Variants in DHRSX observed in about 807,000 individuals in gnomAD.
DHRSX encodes the protein polyprenol dehydrogenase.
DHRSX carries 31 observed loss-of-function variants against 34.0 expected under a neutral mutation model. The ratio of observed to expected loss-of-function variants is 0.91; its 90% CI spans 0.69 to 1.23. DHRSX has a LOEUF of 1.23. Ranked by LOEUF, DHRSX falls within the 50% of genes most tolerant of loss-of-function variation. The pLI, the probability that DHRSX is intolerant of heterozygous loss-of-function variation, is 0.00. For missense variants in DHRSX, 414 were observed against 428.1 expected (o/e 0.97, Z 0.29); for synonymous variants, 201 against 183.8 (o/e 1.09, Z -0.76).
At chrX:2,442,281 G>T (rs1252003797) in intron 1 of DHRSX, among the ~76,000 whole-genome samples, 1 of 151,506 alleles carries the variant, frequency 6.6e-6, no homozygotes, top group Non-Finnish European at 1.5e-5. Flanking sequence ...CTGAGGAGGA[G>T]GAGGAGGAAC....
intron 1 of DHRSX, among the ~76,000 whole-genome samples, chrX:2,463,755 C>T (rs916278078): frequency 9.9e-5 from 15 of 151,896 alleles, no homozygotes; most frequent in African/African-American, 3.6e-4. Flanking sequence ...CTGGGACAGG[C>T]GGTGACAGAG....
At chrX:2,435,862 CCTT>C (rs1287723050) in intron 1 of DHRSX, among the ~76,000 whole-genome samples, 3 of 152,180 alleles carry the variant, frequency 2.0e-5, no homozygotes, top group Non-Finnish European at 4.4e-5. Context: ...AAAGTCCTAT[CCTT>C]CTTGATCCTA....
intron 3 of DHRSX, among the ~76,000 whole-genome samples, chrX:2,394,248 C>T (rs140673182): frequency 2.0e-5 from 3 of 152,142 alleles, no homozygotes; most frequent in Non-Finnish European, 4.4e-5. Flanking sequence ...CTGTGAAGGC[C>T]AGTGGGCCCA....
chrX:2,346,035 G>A (rs1238855860), intron 3 of DHRSX, among the ~76,000 whole-genome samples: 2 of 152,164 alleles, frequency 1.3e-5, no homozygotes, highest in East Asian at 3.8e-4. Flanking sequence ...TGGTATCCTT[G>A]TTCTGTAAGA....
intron 4 of DHRSX, among the ~76,000 whole-genome samples, chrX:2,269,205 A>G (rs2041515984): frequency 1.3e-5 from 2 of 152,228 alleles, no homozygotes; most frequent in East Asian, 1.9e-4. Context: ...CTGCATGTGT[A>G]CATATTTTCC....
rs180980254 is a variant in DHRSX, at chrX:2,253,827, G to A, written c.597-10597C>T. On this transcript the variant is annotated intron_variant, in intron 5 of 6. Transcript: ENST00000334651. ...TGTAATCCCAGCACTTTGGGAGGCCGAGGCGGGCGGATCACGAGGTCAGAA... is the reference window on the plus strand; with the variant it reads ...TGTAATCCCAGCACTTTGGGAGGCCAAGGCGGGCGGATCACGAGGTCAGAA... Among the ~76,000 whole-genome samples, 213 of 152,272 alleles carry A rather than the reference G, an allele frequency of 1.4e-3. 3 individuals are homozygous for A. Among genetic ancestry groups the A allele is most frequent in the East Asian group, 0.014 (70 of 5,176 alleles).
intron 3 of DHRSX, among the ~76,000 whole-genome samples, chrX:2,295,041 G>A (rs35208789): frequency 0.56 from 84,505 of 151,838 alleles, 25,915 homozygotes; most frequent in Middle Eastern, 0.74. Flanking sequence ...TCTAGAACCA[G>A]AAATACCATT....
At chrX:2,237,727 A>C (rs2016049175) in intron 6 of DHRSX, among the ~76,000 whole-genome samples, 1 of 150,538 alleles carries the variant, frequency 6.6e-6, no homozygotes, top group Admixed American at 6.6e-5. Context: ...CTGGTCTTGA[A>C]CTCCTAACCT....
chrX:2,454,612 T>C (rs1452097974), intron 1 of DHRSX, among the ~76,000 whole-genome samples: 2 of 151,682 alleles, frequency 1.3e-5, no homozygotes, highest in Non-Finnish European at 2.9e-5. Context: ...ACCCCAAAAA[T>C]TCCCAATTCT....
intron 3 of DHRSX, among the ~76,000 whole-genome samples, chrX:2,330,094 GAGGGA>G (rs2042441682): frequency 1.1e-4 from 1 of 9,464 alleles, no homozygotes. Flanking sequence ...GGGGGGGGGG[GAGGGA>G]GGGAGAGAGA....
Position 2,395,804 on chromosome X carries a change from GAC to G in DHRSX, c.286+12939_286+12940del, listed in dbSNP as rs2043402232. Among the ~76,000 whole-genome samples, 4 of 152,086 alleles carry G rather than the reference GAC, an allele frequency of 2.6e-5. 1 individual carries two copies. In the South Asian group the frequency reaches 6.2e-4, roughly 24 times the overall value. On this transcript the variant is annotated intron_variant, in intron 3 of 6. Transcript: ENST00000334651. ...TTCTTGTCCCATGACCTGGGGTCAG[GAC>G]ACAGTGTGCTGATGTCACACCATGT...
Position 2,500,926 on chromosome X carries a change from G to T in DHRSX, c.-1C>A. The stretch of plus-strand genomic sequence containing the variant: ...CCCGCGCCGCAGACAATGGCGACAT[G>T]GCTGCCCCGGCCGCGCCGCCGCCGC... On this transcript the variant is annotated 5_prime_UTR_variant, in exon 1 of 7. Coordinates refer to ENST00000334651, the MANE Select transcript of DHRSX (RefSeq NM_145177.3). 9.3e-7 allele frequency: 1 copy of T among 1,073,262 alleles called. No individual in the cohort carries two copies. Among genetic ancestry groups the T allele is most frequent in the Non-Finnish European group, 1.1e-6 (1 of 887,776 alleles). The allele number at this position is 1,073,262 out of a possible 1,614,324, so 66.5% of individuals were successfully genotyped here.
At chrX:2,374,151 T>C (rs943678922) in intron 3 of DHRSX, among the ~76,000 whole-genome samples, 2 of 152,140 alleles carry the variant, frequency 1.3e-5, no homozygotes, top group African/African-American at 4.8e-5. Flanking sequence ...CCCAGTCTGA[T>C]CTCAAACTCC....
At chrX:2,498,492 CTTAAG>C (rs2045334920) in intron 1 of DHRSX, among the ~76,000 whole-genome samples, 1 of 152,162 alleles carries the variant, frequency 6.6e-6, no homozygotes, top group Non-Finnish European at 1.5e-5. Context: ...GGGCAAGCCA[CTTAAG>C]TTAATCTTTA....
At chrX:2,339,513 T>C (rs1307859303) in intron 3 of DHRSX, among the ~76,000 whole-genome samples, 2 of 151,970 alleles carry the variant, frequency 1.3e-5, no homozygotes, top group Admixed American at 6.6e-5. Flanking sequence ...TTCCACACTA[T>C]TTGTAGTCTT....
intron 3 of DHRSX, among the ~76,000 whole-genome samples, chrX:2,399,522 C>T (rs757221906): frequency 3.0e-4 from 45 of 150,990 alleles, no homozygotes; most frequent in African/African-American, 1.1e-3. Context: ...CTGGCTAACA[C>T]GGTGAATCCC....
chrX:2,268,098 C>G (rs994408292), intron 4 of DHRSX, among the ~76,000 whole-genome samples: 4 of 152,192 alleles, frequency 2.6e-5, no homozygotes, highest in African/African-American at 9.7e-5. Context: ...TGTCGGTCAT[C>G]ATTCTATAGA....
At chrX:2,358,150 T>G (rs1420092887) in intron 3 of DHRSX, among the ~76,000 whole-genome samples, 1 of 152,074 alleles carries the variant, frequency 6.6e-6, no homozygotes, top group African/African-American at 2.4e-5. Flanking sequence ...TAACACTTGG[T>G]TTAAAGTTAC....
At chrX:2,243,792 T>TG (rs2016205569) in intron 5 of DHRSX, among the ~76,000 whole-genome samples, 1 of 32,314 alleles carries the variant, frequency 3.1e-5, no homozygotes, top group East Asian at 5.0e-4. Context: ...CTCCCTGTTT[T>TG]TTTTTTTTTT....
Sources: allele counts gnomAD v4.1 joint callset (sites outside exome capture counted in the v4.1 genomes callset), GRCh38; gene constraint gnomAD v4.1.1; transcripts MANE v1.5; gene names NCBI Gene and HGNC (gene_info 2026-07-23, HGNC 2026-07-21).